The following AOPEP variants were observed in gnomAD, a reference collection of about 807,000 sequenced individuals.
AOPEP encodes the protein aminopeptidase O (putative), also known as aminopeptidase O.
A neutral mutation model predicts 98.1 loss-of-function variants in AOPEP; 77 were observed. That is an observed-to-expected ratio of 0.78 (90% CI 0.65 to 0.95). The LOEUF is 0.95. Ranked by LOEUF, AOPEP falls within the 40% of genes least tolerant of loss-of-function variation. The probability of loss-of-function intolerance (pLI) is 0.00; values close to 1 mark genes in which losing one functional copy is unlikely to be tolerated. For synonymous variants in AOPEP, 346 were observed against 365.3 expected, an observed-to-expected ratio of 0.95 and a Z score of 0.60; for missense variants, 1,024 against 1,024.7, an observed-to-expected ratio of 1.00 and a Z score of 0.01.
intron 10 of AOPEP, among the ~76,000 whole-genome samples, chr9:94,977,650 C>T (rs1312269985): frequency 6.6e-6 from 1 of 152,206 alleles, no homozygotes; most frequent in South Asian, 2.1e-4. Context: ...CACTCCCACA[C>T]TCTCATAGCT....
the AOPEP span, among the ~76,000 whole-genome samples, chr9:95,102,593 G>A: frequency 1.3e-5 from 2 of 152,342 alleles, no homozygotes; most frequent in South Asian, 2.1e-4. Flanking sequence ...TACAGAACCC[G>A]CAAATGTTTA....
At chr9:95,077,378 TC>T in intron 14 of AOPEP, among the ~76,000 whole-genome samples, 2 of 152,180 alleles carry the variant, frequency 1.3e-5, no homozygotes, top group East Asian at 3.9e-4. Context: ...ACTGCCCGGG[TC>T]CACAGGGAGG....
chr9:95,073,214 C>T (rs2068677551), intron 14 of AOPEP, among the ~76,000 whole-genome samples: 1 of 152,214 alleles, frequency 6.6e-6, no homozygotes, highest in South Asian at 2.1e-4. Context: ...TACCTCCTAC[C>T]TCATGCCAGC....
intron 2 of AOPEP, among the ~76,000 whole-genome samples, chr9:94,766,807 T>C (rs928522287): frequency 3.9e-5 from 6 of 152,162 alleles, no homozygotes; most frequent in East Asian, 1.9e-4. Context: ...ATTTAAACTT[T>C]TGTAAAACAT....
intron 13 of AOPEP, among the ~76,000 whole-genome samples, chr9:95,013,271 T>C (rs1008499678): frequency 5.9e-5 from 9 of 152,126 alleles, no homozygotes; most frequent in African/African-American, 1.9e-4. Flanking sequence ...TATTTTTGTT[T>C]TAATGGTTAC....
At chr9:95,117,381 C>A in the AOPEP span, 2 of 1,613,582 alleles carry the variant, frequency 1.2e-6, no homozygotes, top group East Asian at 2.2e-5. Flanking sequence ...GTCTTGAGTG[C>A]AAACCGCAGC....
chr9:95,056,654 A>C (rs1292508948), intron 13 of AOPEP: 2 of 152,016 alleles, frequency 1.3e-5, no homozygotes, highest in Non-Finnish European at 2.9e-5. Context: ...TTCCAGGAGC[A>C]TGCATAAAAA....
chr9:95,079,395 G>A (rs1564613297), intron 14 of AOPEP, among the ~76,000 whole-genome samples: 2 of 151,828 alleles, frequency 1.3e-5, no homozygotes, highest in Non-Finnish European at 2.9e-5. Context: ...CTCTTTCACA[G>A]TCAGTAAAAA....
chr9:94,739,663 A>G (rs1370276584), intron 1 of AOPEP, among the ~76,000 whole-genome samples: 2 of 150,096 alleles, frequency 1.3e-5, no homozygotes, highest in Non-Finnish European at 3.0e-5. Context: ...AAAAAAAAAG[A>G]TTTGGAGTGT....
chr9:95,060,817 A>G lies in AOPEP; in HGVS notation c.2232+7A>G, dbSNP rs758322211. 2.0e-5 allele frequency: 31 copies of G among 1,565,540 alleles called. No homozygotes were observed. The highest frequency in any genetic ancestry group is 2.6e-5 in the Non-Finnish European group (30 of 1,135,730). The stretch of plus-strand genomic sequence containing the variant: ...CCAGGATCAGGATGCAGAGGTAACC[A>G]GGAACACTCTCGGAGTTTAACCAGC... On this transcript the variant is annotated splice_region_variant and intron_variant, in intron 14 of 16. Coordinates refer to ENST00000375315, the MANE Select transcript of AOPEP (RefSeq NM_001193329.3).
intron 5 of AOPEP, among the ~76,000 whole-genome samples, chr9:94,918,094 T>C (rs2053091012): frequency 6.6e-6 from 1 of 152,186 alleles, no homozygotes; most frequent in South Asian, 2.1e-4. Flanking sequence ...TTAGCAAATA[T>C]AGGTGAGAGG....
At chr9:95,060,051 C>T (rs1008672573) in intron 13 of AOPEP, among the ~76,000 whole-genome samples, 1 of 152,208 alleles carries the variant, frequency 6.6e-6, no homozygotes, top group African/African-American at 2.4e-5. Context: ...ACTTGTAACA[C>T]CACTTTTGAC....
the AOPEP span, among the ~76,000 whole-genome samples, chr9:95,108,426 CT>C: frequency 6.6e-6 from 1 of 152,212 alleles, no homozygotes. Context: ...GAGGCTATGC[CT>C]TTATATCTGT....
chr9:95,101,065 AG>A, the AOPEP span: 2 of 235,072 alleles, frequency 8.5e-6, no homozygotes, highest in African/African-American at 4.4e-5. Flanking sequence ...TGATGTCCCA[AG>A]GGCCTTTTGG....
At chr9:94,979,834 A>G (rs1049713406) in intron 11 of AOPEP, among the ~76,000 whole-genome samples, 8 of 152,140 alleles carry the variant, frequency 5.3e-5, no homozygotes, top group African/African-American at 1.9e-4. Context: ...GGCCCAACAC[A>G]GGAGTTGGTT....
chr9:95,125,306 T>A, the AOPEP span: 1 of 761,234 alleles, frequency 1.3e-6, no homozygotes, highest in South Asian at 1.5e-5. Flanking sequence ...CAGCAGTATC[T>A]CAACTCATCA....
the AOPEP span, among the ~76,000 whole-genome samples, chr9:95,129,736 A>C: frequency 6.6e-6 from 1 of 152,218 alleles, no homozygotes; most frequent in Non-Finnish European, 1.5e-5. Flanking sequence ...CTATGTCAGC[A>C]GGAGGTCTTC....
At chr9:95,111,413 C>T in the AOPEP span, 1 of 1,599,718 alleles carries the variant, frequency 6.3e-7, no homozygotes, top group South Asian at 1.1e-5. Flanking sequence ...AAGCTCCTCT[C>T]AGCCCCCCAG....
intron 3 of AOPEP, among the ~76,000 whole-genome samples, chr9:94,777,589 T>C (rs1842407787): frequency 6.6e-6 from 1 of 150,772 alleles, no homozygotes; most frequent in African/African-American, 2.4e-5. Flanking sequence ...GTAATACATA[T>C]ATCTGGCAAA....
Sources: gnomAD v4.1 joint callset for allele counts (sites outside exome capture counted in the v4.1 genomes callset) on GRCh38, gnomAD v4.1.1 for gene constraint, MANE v1.5 for transcripts, NCBI Gene and HGNC (gene_info 2026-07-23, HGNC 2026-07-21) for gene names.